SPEG: variants seen among roughly 807,000 people sequenced by gnomAD.
SPEG encodes the protein striated muscle preferentially expressed protein kinase.
Under a neutral mutation model 300.4 loss-of-function variants are expected in SPEG, and 114 were observed. That is an observed-to-expected ratio of 0.38 (90% CI 0.33 to 0.44). SPEG has a LOEUF of 0.44. SPEG is among the 20% of genes least tolerant of loss of function. The pLI is 1.00. For missense variants in SPEG, 4,201 were observed against 4,586.2 expected, an observed-to-expected ratio of 0.92 and a Z score of 2.43; for synonymous variants, 1,964 against 2,018.9, an observed-to-expected ratio of 0.97 and a Z score of 0.73.
Position 219,489,819 on chromosome 2 carries a change from C to T in SPEG, c.8801C>T (p.Pro2934Leu), listed in dbSNP as rs752939628. Residue 2934 changes from proline (P) to leucine (L), a missense_variant, in exon 36 of 41, where the codon CCG (proline) becomes CTG (leucine). Coordinates refer to ENST00000312358, the MANE Select transcript of SPEG (RefSeq NM_005876.5). ...PTKVTVQSLS[P>L]AKEVVSSPGS... ...AAGGTGACTGTGCAGAGCCTCAGCCCGGCCAAGGAGGTGGTCAGCTCCCCT... is the reference window on the plus strand; with the variant it reads ...AAGGTGACTGTGCAGAGCCTCAGCCTGGCCAAGGAGGTGGTCAGCTCCCCT... The T allele has an allele frequency of 2.6e-5, 42 of 1,613,434 alleles. No individual in the cohort carries two copies. Among genetic ancestry groups the T allele is most frequent in the Admixed American group, 1.2e-4 (7 of 59,992 alleles).
chr2:219,489,616 C>A lies in SPEG; in HGVS notation c.8598C>A (p.His2866Gln), dbSNP rs200305444. The A allele has an allele frequency of 6.3e-5, 101 of 1,613,722 alleles. No individual in the cohort carries two copies. The highest frequency in any genetic ancestry group is 1.0e-4 in the Admixed American group (6 of 60,000). Residue 2866 changes from histidine (H) to glutamine (Q), a missense_variant, in exon 36 of 41, where the codon CAC becomes CAA. This residue lies in a region of SPEG where 1,578 missense variants were observed against 1,506.0 expected (regional missense o/e 1.05). Coordinates refer to ENST00000312358, the MANE Select transcript of SPEG (RefSeq NM_005876.5). ...CGGAGCCCACCCTACCCAGTACCCA[C>A]GTCACCCCAAGTGAGCCCAAGCCTT... ...RPAEPTLPST[H>Q]VTPSEPKPFV...
At position 219,485,432 on chromosome 2, in the gene SPEG, A is replaced by G. The variant is rs764160202; in HGVS notation, c.7696A>G (p.Ser2566Gly). ...KGLSPPNLSA[S>G]VQEELGHQYV... is the part of the protein sequence containing the mutation. ...GTTATCGCCACCAAACCTCTCTGCC[A>G]GCGTCCAGGAGGAGTTGGGTCACCA... The change falls in exon 31 of 41, where the codon AGC (serine) becomes GGC (glycine). Residue 2566 changes from serine (S) to glycine (G), a missense_variant. By Grantham distance (56) the Ser-to-Gly change is moderately conservative. This residue lies in a region of SPEG where 1,578 missense variants were observed against 1,506.0 expected (regional missense o/e 1.05). Coordinates refer to ENST00000312358, the MANE Select transcript of SPEG (RefSeq NM_005876.5). 4.2e-5 allele frequency: 67 copies of G among 1,604,964 alleles called. No individual in the cohort carries two copies. The highest frequency in any genetic ancestry group is 3.8e-4 in the Middle Eastern group (2 of 5,242).
chr2:219,438,500 C>T (rs992081997), intron 1 of SPEG, among the ~76,000 whole-genome samples: 7 of 152,302 alleles, frequency 4.6e-5, no homozygotes, highest in African/African-American at 1.7e-4. Context: ...CCATCTCTGG[C>T]CTAGTCTCCA....
At position 219,464,330 on chromosome 2, in the gene SPEG, A is replaced by T; in HGVS notation, c.2706-103A>T. Reference sequence around the variant, plus strand: ...TGGGACAGATCTGGGGACTGGGCAAACTGCACAGGGAAGGAGAGGCCTGCA... The same window carrying T: ...TGGGACAGATCTGGGGACTGGGCAATCTGCACAGGGAAGGAGAGGCCTGCA... On this transcript the variant is annotated intron_variant, in intron 8 of 40. Coordinates refer to ENST00000312358, the MANE Select transcript of SPEG (RefSeq NM_005876.5). This position sits in a 1 kb window ranked among gnomAD's most constrained non-coding sequence, Gnocchi z 4.5. 1 of 1,283,168 alleles carries T rather than the reference A, an allele frequency of 7.8e-7. No individual in the cohort carries two copies. Among genetic ancestry groups the T allele is most frequent in the Non-Finnish European group, 1.1e-6 (1 of 935,848 alleles). The allele number at this position is 1,283,168 out of a possible 1,614,324, so 79.5% of individuals were successfully genotyped here. A position where few individuals can be genotyped will look rare whatever the true frequency, so the allele number is the denominator to read the frequency against.
intron 18 of SPEG, 49 bp from the exon 19 acceptor site, chr2:219,476,820 AG>A: frequency 1.4e-6 from 2 of 1,471,246 alleles, no homozygotes; most frequent in Non-Finnish European, 9.5e-7. Context: ...GGCAGGGTAA[AG>A]CCAGCCCCTA....
intron 39 of SPEG, 37 bp from the exon 40 acceptor site, chr2:219,492,074 G>T (rs377709149): frequency 1.1e-5 from 17 of 1,590,124 alleles, no homozygotes; most frequent in Non-Finnish European, 1.4e-5. Context: ...GTTGGCCTCC[G>T]GTCTGCATAC....
intron 6 of SPEG, among the ~76,000 whole-genome samples, chr2:219,457,563 G>A (rs973083980): frequency 2.0e-5 from 3 of 152,224 alleles, no homozygotes; most frequent in Non-Finnish European, 4.4e-5. Flanking sequence ...CAGCCTGGAT[G>A]ACAGACTGAG....
intron 12 of SPEG, 36 bp from the exon 13 acceptor site, chr2:219,469,100 AGCCCTGGGGTGGGAGGCACG>A: frequency 6.2e-7 from 1 of 1,609,082 alleles, no homozygotes; most frequent in Non-Finnish European, 8.5e-7. Context: ...GGGCCAGCCC[AGCCCTGGGGTGGGAGGCACG>A]GCCCTGGGCC....
intron 4 of SPEG, 172 bp from the exon 5 acceptor site, chr2:219,450,964 T>C: frequency 1.5e-6 from 1 of 654,708 alleles, no homozygotes; most frequent in Non-Finnish European, 2.5e-6. Context: ...TGACTTCCTT[T>C]TTTCCCTAAG....
At chr2:219,469,504 G>A in intron 13 of SPEG, 125 bp downstream of exon 13, 2 of 789,196 alleles carry the variant, frequency 2.5e-6, no homozygotes, top group South Asian at 3.5e-5. Flanking sequence ...CAGGGTGCCT[G>A]GGGGAAGGGA....
intron 39 of SPEG, 49 bp from the exon 40 acceptor site, chr2:219,492,062 G>A (rs771915685): frequency 1.3e-6 from 2 of 1,575,156 alleles, no homozygotes. Flanking sequence ...CTGGGTCTGG[G>A]TGTTGGCCTC....
chr2:219,460,519 G>A, intron 6 of SPEG: 1 of 985,426 alleles, frequency 1.0e-6, no homozygotes, highest in Non-Finnish European at 1.2e-6. Flanking sequence ...TCTTGCTCGG[G>A]GACGGAGGCC....
Position 219,492,123 on chromosome 2 carries a change from C to T in SPEG, c.9474C>T (p.Arg3158=), listed in dbSNP as rs560993802. ...GVLTYIMLSG[R]SPFYEPDPQE... ...TCTTCCCCAACAGGCTCAGTGGACG[C>T]TCCCCGTTCTATGAGCCAGACCCCC... The change falls in exon 40 of 41, where the codon CGC becomes CGT. Residue 3158 remains arginine (R), a synonymous_variant. Transcript: ENST00000312358. 4 of 1,612,812 alleles carry T rather than the reference C, an allele frequency of 2.5e-6. No individual in the cohort carries two copies. Among genetic ancestry groups the T allele is most frequent in the African/African-American group, 1.3e-5 (1 of 75,010 alleles).
At position 219,451,426 on chromosome 2, in the gene SPEG, G is replaced by A; in HGVS notation, c.2257+147G>A. The stretch of plus-strand genomic sequence containing the variant: ...ACGGGGGCTGCCCTGACTTGGGTGT[G>A]TGTTCAGGGACATTTCTCAGGACCC... On this transcript the variant is annotated intron_variant, in intron 5 of 40. Transcript: ENST00000312358. The surrounding 1 kb of genome is among the most constrained non-coding windows in gnomAD (Gnocchi z 6.4). The A allele has an allele frequency of 8.1e-7, 1 of 1,241,344 alleles. No individual in the cohort carries two copies. The highest frequency in any genetic ancestry group is 1.6e-5 in the South Asian group (1 of 63,390). The allele number at this position is 1,241,344 out of a possible 1,614,324, so 76.9% of individuals were successfully genotyped here. A position where few individuals can be genotyped will look rare whatever the true frequency, so the allele number is the denominator to read the frequency against.
chr2:219,492,501 T>C (rs1384877139), intron 40 of SPEG, 93 bp from the exon 41 acceptor site: 1 of 1,374,322 alleles, frequency 7.3e-7, no homozygotes, highest in Non-Finnish European at 1.0e-6. Context: ...AGGGGTGGGA[T>C]CCAGGACTGG....
chr2:219,472,808 A>T, intron 15 of SPEG, 82 bp from the exon 16 acceptor site: 1 of 1,154,560 alleles, frequency 8.7e-7, no homozygotes, highest in Non-Finnish European at 1.2e-6. Flanking sequence ...ACTAATGATG[A>T]GTTCCAGGGT....
intron 31 of SPEG, among the ~76,000 whole-genome samples, chr2:219,486,943 A>C (rs957553692): frequency 5.3e-5 from 8 of 152,108 alleles, no homozygotes; most frequent in African/African-American, 1.9e-4. Context: ...GGAAGGGGGC[A>C]CACTGCCATC....
chr2:219,457,403 T>C (rs1424065015), intron 6 of SPEG, among the ~76,000 whole-genome samples: 1 of 152,140 alleles, frequency 6.6e-6, no homozygotes, highest in Non-Finnish European at 1.5e-5. Flanking sequence ...GCCAACATAA[T>C]GAAACCCCGT....
In SPEG at chr2:219,480,069, G is replaced by A. The variant is rs760764240; in HGVS notation, c.5271G>A (p.Gln1757=). The A allele has an allele frequency of 1.2e-6, 2 of 1,614,032 alleles. No homozygotes were observed. Among genetic ancestry groups the A allele is most frequent in the Non-Finnish European group, 8.5e-7 (1 of 1,180,008 alleles). Residue 1757 remains glutamine (Q), a synonymous_variant, in exon 25 of 41, where the codon CAG becomes CAA. Coordinates refer to ENST00000312358, the MANE Select transcript of SPEG (RefSeq NM_005876.5). The surrounding 1 kb of genome is among the most constrained non-coding windows in gnomAD (Gnocchi z 5.3). ...CTCCAGGAGAGCCCCAGTACTGCCAGTATGGCACACCTGAGTTTGTAGCAC... is the reference window on the plus strand; with the variant it reads ...CTCCAGGAGAGCCCCAGTACTGCCAATATGGCACACCTGAGTTTGTAGCAC... The part of the protein sequence containing the change: ...ELTPGEPQYC[Q]YGTPEFVAPE...
Sources: allele counts gnomAD v4.1 joint callset (sites outside exome capture counted in the v4.1 genomes callset), GRCh38; gene constraint gnomAD v4.1.1; regional missense constraint gnomAD v4.1.1; non-coding constraint Gnocchi (gnomAD v3.1); transcripts MANE v1.5; gene names NCBI Gene and HGNC (gene_info 2026-07-23, HGNC 2026-07-21).